Variants in ABCC4 observed in about 807,000 individuals in gnomAD.
ABCC4 encodes the protein ATP-binding cassette sub-family C member 4.
A neutral mutation model predicts 168.5 loss-of-function variants in ABCC4; 102 were observed. The ratio of observed to expected loss-of-function variants is 0.61; its 90% CI spans 0.52 to 0.71. The LOEUF (loss-of-function observed/expected upper bound fraction) is 0.71. Among genes scored for constraint, ABCC4 ranks in the 30% least tolerant of loss-of-function variants. The pLI, the probability that ABCC4 is intolerant of heterozygous loss-of-function variation, is 0.00. For synonymous variants in ABCC4, 617 were observed against 590.7 expected, an observed-to-expected ratio of 1.04 and a Z score of -0.65; for missense variants, 1,402 against 1,605.8, an observed-to-expected ratio of 0.87 and a Z score of 2.17.
At chr13:95,291,009 A>AAAAAAAAAAAAAAAG (rs1394530639) in intron 1 of ABCC4, among the ~76,000 whole-genome samples, 1,735 of 122,570 alleles carry the variant, frequency 0.014, 26 homozygotes, top group South Asian at 0.022. Context: ...AAAAAAAAAA[A>AAAAAAAAAAAAAAAG]AGAGGAAACC....
At chr13:95,177,913 A>G (rs2037761445) in intron 12 of ABCC4, 84 bp downstream of exon 12, 1 of 1,506,502 alleles carries the variant, frequency 6.6e-7, no homozygotes, top group South Asian at 1.1e-5. Context: ...AGGACGCAAT[A>G]CACAGTAAGC....
At chr13:95,188,127 G>A (rs9561802) in intron 10 of ABCC4, among the ~76,000 whole-genome samples, 14,886 of 151,786 alleles carry the variant, frequency 0.098, 923 homozygotes, top group East Asian at 0.2. Context: ...AGCATCTAGG[G>A]TCCCCTCTGA....
chr13:95,045,097 C>T (rs1395626333), intron 27 of ABCC4, among the ~76,000 whole-genome samples: 1 of 152,178 alleles, frequency 6.6e-6, no homozygotes, highest in Non-Finnish European at 1.5e-5. Flanking sequence ...CAATAACCAA[C>T]ATGACAGCCA....
Position 95,291,009 on chromosome 13 carries a change from A to AAAAAAAAAAG in ABCC4, c.74+10231_74+10232insCTTTTTTTTT, listed in dbSNP as rs1394530639. Reference sequence around the variant, plus strand: ...CAAGACCCTGTCTCAAAAAAAAAAAAAGAGGAAACCATGCCAAATGACTTT... The same window carrying AAAAAAAAAAG: ...CAAGACCCTGTCTCAAAAAAAAAAAAAAAAAAAAAGAGAGGAAACCATGCCAAATGACTTT... On this transcript the variant is annotated intron_variant, in intron 1 of 30. Transcript: ENST00000645237. 1.2e-4 allele frequency among the ~76,000 whole-genome samples: 15 copies of AAAAAAAAAAG among 123,466 alleles called. 1 individual carries two copies. The highest frequency in any genetic ancestry group is 0.01 in the Middle Eastern group (2 of 200). 81.0% of individuals were successfully genotyped at this position (123,466 alleles called of 152,430 possible). A position where few individuals can be genotyped will look rare whatever the true frequency, so the allele number is the denominator to read the frequency against.
At chr13:95,197,068 G>T (rs542207178) in intron 8 of ABCC4, among the ~76,000 whole-genome samples, 1 of 152,266 alleles carries the variant, frequency 6.6e-6, no homozygotes, top group African/African-American at 2.4e-5. Flanking sequence ...CCAGCTCAGG[G>T]TGGCTGCAGC....
intron 1 of ABCC4, among the ~76,000 whole-genome samples, chr13:95,249,666 G>A (rs1197200781): frequency 5.3e-5 from 8 of 152,128 alleles, no homozygotes; most frequent in African/African-American, 1.9e-4. Flanking sequence ...GGGTTTCCCA[G>A]ACATGCCTGA....
intron 20 of ABCC4, among the ~76,000 whole-genome samples, chr13:95,106,002 C>T (rs1172423792): frequency 6.6e-6 from 1 of 152,180 alleles, no homozygotes; most frequent in African/African-American, 2.4e-5. Context: ...TAAAGCCCAT[C>T]AACTGGGAAT....
At chr13:95,213,906 C>A (rs759880590) in intron 4 of ABCC4, among the ~76,000 whole-genome samples, 3 of 151,854 alleles carry the variant, frequency 2.0e-5, no homozygotes, top group Non-Finnish European at 4.4e-5. Context: ...ACTAGATACA[C>A]AAGGAAACAA....
chr13:95,254,472 A>G (rs1315519965), intron 1 of ABCC4, among the ~76,000 whole-genome samples: 3 of 152,198 alleles, frequency 2.0e-5, no homozygotes, highest in Non-Finnish European at 4.4e-5. Flanking sequence ...TCTGATAAGC[A>G]TATCAAACTA....
chr13:95,106,771 T>C (rs978886465), intron 20 of ABCC4, among the ~76,000 whole-genome samples: 1 of 17,316 alleles, frequency 5.8e-5, no homozygotes, highest in Non-Finnish European at 1.2e-4. Context: ...TGTGAAATCA[T>C]GGCTGTTTGG....
Position 95,020,093 on chromosome 13 carries a change from C to T in ABCC4, c.*1482G>A, listed in dbSNP as rs2031009656. 1 of 152,066 alleles carries T rather than the reference C, an allele frequency of 6.6e-6. No individual in the cohort carries two copies. The highest frequency in any genetic ancestry group is 6.6e-5 in the Admixed American group (1 of 15,264). The allele number at this position is 152,066 out of a possible 1,614,324, so 9.4% of individuals were successfully genotyped here. ...GTGGTTTGTTGGACTGAACATTAAC[C>T]ATACGTGTATTTCTAAGTACTAGGA... On this transcript the variant is annotated 3_prime_UTR_variant, in exon 31 of 31. Coordinates refer to ENST00000645237, the MANE Select transcript of ABCC4 (RefSeq NM_005845.5).
At chr13:95,048,809 T>C (rs1215405861) in intron 27 of ABCC4, among the ~76,000 whole-genome samples, 9 of 152,244 alleles carry the variant, frequency 5.9e-5, no homozygotes, top group Non-Finnish European at 1.3e-4. Context: ...AAGTCGTTTT[T>C]TAATTAACAG....
chr13:95,188,753 A>T (rs1379480096), intron 9 of ABCC4, among the ~76,000 whole-genome samples: 1 of 152,180 alleles, frequency 6.6e-6, no homozygotes, highest in African/African-American at 2.4e-5. Context: ...TCAGTACTTA[A>T]GGAAGGCCCA....
chr13:95,285,080 T>C (rs2041226794), intron 1 of ABCC4, among the ~76,000 whole-genome samples: 1 of 151,722 alleles, frequency 6.6e-6, no homozygotes, highest in African/African-American at 2.4e-5. Flanking sequence ...ATCTCGTCTC[T>C]ACAAAAAATA....
intron 19 of ABCC4, among the ~76,000 whole-genome samples, chr13:95,139,519 G>T (rs1479224658): frequency 6.6e-6 from 1 of 152,178 alleles, no homozygotes. Flanking sequence ...AGCCCCTCCA[G>T]CCTTGGCACC....
intron 19 of ABCC4, among the ~76,000 whole-genome samples, chr13:95,133,467 G>T (rs2766482): frequency 0.48 from 73,181 of 151,906 alleles, 19,169 homozygotes; most frequent in African/African-American, 0.71. Flanking sequence ...TCAGCATCCA[G>T]TCTATCCATC....
chr13:95,107,700 G>A (rs2035056723), intron 20 of ABCC4, among the ~76,000 whole-genome samples: 1 of 152,144 alleles, frequency 6.6e-6, no homozygotes, highest in African/African-American at 2.4e-5. Flanking sequence ...GCTGAGGTGA[G>A]TGGATCACCT....
At chr13:95,240,057 G>A (rs1399479528) in intron 3 of ABCC4, among the ~76,000 whole-genome samples, 1 of 152,100 alleles carries the variant, frequency 6.6e-6, no homozygotes, top group African/African-American at 2.4e-5. Flanking sequence ...AAGGGAGGAG[G>A]GGGGAAAATA....
chr13:95,029,196 A>ATCTATATC (rs1313221261), intron 30 of ABCC4, among the ~76,000 whole-genome samples: 1 of 87,600 alleles, frequency 1.1e-5, no homozygotes, highest in African/African-American at 5.3e-5. Flanking sequence ...ATATATATAT[A>ATCTATATC]TATATATATA....
Sources: gnomAD v4.1 joint callset for allele counts (sites outside exome capture counted in the v4.1 genomes callset) on GRCh38, gnomAD v4.1.1 for gene constraint, MANE v1.5 for transcripts, NCBI Gene and HGNC (gene_info 2026-07-23, HGNC 2026-07-21) for gene names.